The following ZCWPW2 variants were observed in gnomAD, a reference collection of about 807,000 sequenced individuals.
ZCWPW2 encodes the protein zinc finger CW-type PWWP domain protein 2.
ZCWPW2 carries 45 observed loss-of-function variants against 46.6 expected under a neutral mutation model. The ratio of observed to expected loss-of-function variants is 0.96; its 90% CI spans 0.76 to 1.24. The LOEUF (loss-of-function observed/expected upper bound fraction) is 1.24, where lower values mean the gene tolerates loss of function less well. Ranked by LOEUF, ZCWPW2 falls within the 50% of genes most tolerant of loss-of-function variation. The pLI is 0.00. For missense variants in ZCWPW2, 429 were observed against 403.9 expected, an observed-to-expected ratio of 1.06 and a Z score of -0.53; for synonymous variants, 152 against 137.1, an observed-to-expected ratio of 1.11 and a Z score of -0.76.
intron 1 of ZCWPW2, among the ~76,000 whole-genome samples, chr3:28,375,207 T>A (rs1168261012): frequency 6.6e-6 from 1 of 151,992 alleles, no homozygotes. Context: ...TAATACCTTT[T>A]TCCACCCCTT....
At chr3:28,411,344 C>CA (rs926300373) in intron 2 of ZCWPW2, among the ~76,000 whole-genome samples, 4 of 150,948 alleles carry the variant, frequency 2.6e-5, no homozygotes, top group East Asian at 3.9e-4. Flanking sequence ...TTAATATCAA[C>CA]AAAAAAAATC....
intron 9 of ZCWPW2, among the ~76,000 whole-genome samples, chr3:28,523,657 A>G (rs1334968678): frequency 5.9e-5 from 9 of 152,128 alleles, no homozygotes; most frequent in Non-Finnish European, 1.2e-4. Flanking sequence ...GGATTATCTC[A>G]GGCATTTACA....
intron 3 of ZCWPW2, among the ~76,000 whole-genome samples, chr3:28,421,830 TAGTTTG>T (rs1157791821): frequency 3.4e-5 from 4 of 117,706 alleles, no homozygotes; most frequent in African/African-American, 9.7e-5. Flanking sequence ...TGTTGGAGAA[TAGTTTG>T]TGTGTGTGTG....
intron 3 of ZCWPW2, among the ~76,000 whole-genome samples, chr3:28,426,748 A>C (rs1462102640): frequency 1.3e-5 from 2 of 152,224 alleles, no homozygotes; most frequent in African/African-American, 4.8e-5. Context: ...CATGATTCCA[A>C]CTCATCCATT....
In ZCWPW2 at chr3:28,478,858, A is replaced by G. The variant is rs1189408451; in HGVS notation, c.537A>G (p.Leu179=). 1.3e-6 allele frequency: 2 copies of G among 1,586,098 alleles called. No individual in the cohort carries two copies. The highest frequency in any genetic ancestry group is 1.7e-6 in the Non-Finnish European group (2 of 1,169,274). ...KNKKKWYKSA[L]QEACLLYGYS... is the part of the protein sequence containing the mutation. ...AAAAGAAGTGGTATAAAAGTGCACT[A>G]CAAGAAGCATGTCTACTCTATGGAT... The change falls in exon 5 of 10, where the codon CTA becomes CTG. Residue 179 remains leucine (L), a synonymous_variant. Transcript: ENST00000383768.
intron 4 of ZCWPW2, among the ~76,000 whole-genome samples, chr3:28,471,406 A>G (rs1023051381): frequency 7.9e-5 from 12 of 152,318 alleles, no homozygotes; most frequent in African/African-American, 2.9e-4. Context: ...ATGATTCATT[A>G]TGATCAAGTG....
In ZCWPW2 at chr3:28,443,065, C is replaced by T. The variant is rs939050395; in HGVS notation, c.492+7796C>T. Among the ~76,000 whole-genome samples the T allele has an allele frequency of 1.6e-4, 24 of 152,196 alleles. No individual in the cohort carries two copies. The East Asian group carries it at 4.3e-3, about 27-fold the overall frequency. ...TGCATTCTGGCACTGGGGAAATGAC[C>T]GTAGGATGAGTCCAGGGACCCACTG... On this transcript the variant is annotated intron_variant, in intron 4 of 9. Coordinates refer to ENST00000383768, the MANE Select transcript of ZCWPW2 (RefSeq NM_001040432.4).
rs964578068 is a variant in ZCWPW2, at chr3:28,524,580, T to C, written c.963T>C (p.Tyr321=). The C allele has an allele frequency of 1.9e-6, 3 of 1,609,360 alleles. No homozygotes were observed. The highest frequency in any genetic ancestry group is 1.7e-6 in the Non-Finnish European group (2 of 1,177,900). ...CAGGCAGTCTGTTTGAAAACCACTA[T>C]GAAGAGGACTATCTTGTAATTGATG... ...APAGSLFENH[Y]EEDYLVIDGI... The change falls in exon 10 of 10, where the codon TAT becomes TAC. Residue 321 remains tyrosine, a synonymous_variant. Coordinates refer to ENST00000383768, the MANE Select transcript of ZCWPW2 (RefSeq NM_001040432.4).
chr3:28,407,814 A>G (rs1282312809), intron 2 of ZCWPW2, among the ~76,000 whole-genome samples: 1 of 152,216 alleles, frequency 6.6e-6, no homozygotes, highest in African/African-American at 2.4e-5. Context: ...ATAGCTTTGC[A>G]TTTGTCATTG....
chr3:28,427,245 A>G (rs1457446314), intron 3 of ZCWPW2, among the ~76,000 whole-genome samples: 1 of 152,236 alleles, frequency 6.6e-6, no homozygotes, highest in African/African-American at 2.4e-5. Context: ...GAAGTGCACA[A>G]TGCATTATCA....
At chr3:28,476,555 G>T (rs186771093) in intron 4 of ZCWPW2, among the ~76,000 whole-genome samples, 135 of 152,234 alleles carry the variant, frequency 8.9e-4, no homozygotes, top group African/African-American at 3.2e-3. Context: ...TAGGGCAGCA[G>T]TCTCCAACCT....
At chr3:28,352,314 G>T (rs187465781) in intron 1 of ZCWPW2, among the ~76,000 whole-genome samples, 25 of 152,136 alleles carry the variant, frequency 1.6e-4, no homozygotes, top group Admixed American at 7.2e-4. Flanking sequence ...AGGCTTTCCC[G>T]GGGGGGTTAT....
chr3:28,398,138 C>T (rs534122442), intron 2 of ZCWPW2: 72 of 152,364 alleles, frequency 4.7e-4, no homozygotes, highest in African/African-American at 1.7e-3. Flanking sequence ...AGTCCAAGAT[C>T]AAGGTGACAG....
At chr3:28,424,274 C>T (rs1696916343) in intron 3 of ZCWPW2, among the ~76,000 whole-genome samples, 1 of 146,298 alleles carries the variant, frequency 6.8e-6, no homozygotes, top group Non-Finnish European at 1.5e-5. Context: ...CACACAGAGC[C>T]TTTAAATCAA....
chr3:28,369,746 C>T (rs1221162716), intron 1 of ZCWPW2, among the ~76,000 whole-genome samples: 1 of 152,218 alleles, frequency 6.6e-6, no homozygotes, highest in Non-Finnish European at 1.5e-5. Context: ...CTATGCCCTG[C>T]CCGCAGAGGT....
chr3:28,452,073 C>T (rs948422264), intron 4 of ZCWPW2, among the ~76,000 whole-genome samples: 2 of 152,140 alleles, frequency 1.3e-5, no homozygotes, highest in African/African-American at 2.4e-5. Context: ...ATAACTGTGA[C>T]ATATTTGTGA....
At chr3:28,454,715 TA>T (rs904968195) in intron 4 of ZCWPW2, among the ~76,000 whole-genome samples, 6 of 152,182 alleles carry the variant, frequency 3.9e-5, no homozygotes, top group African/African-American at 1.2e-4. Context: ...AGCTCCCACT[TA>T]AAAGTAAGAA....
chr3:28,501,670 T>C (rs1040020715), intron 6 of ZCWPW2, among the ~76,000 whole-genome samples: 2 of 152,208 alleles, frequency 1.3e-5, no homozygotes, highest in Non-Finnish European at 2.9e-5. Context: ...AGAATTTTCC[T>C]TACCCAGAAA....
At chr3:28,391,237 T>C (rs1695474829) in intron 2 of ZCWPW2, among the ~76,000 whole-genome samples, 1 of 152,184 alleles carries the variant, frequency 6.6e-6, no homozygotes, top group African/African-American at 2.4e-5. Context: ...CTGATGAAAT[T>C]TGTAGTCTGA....
Sources: allele counts gnomAD v4.1 joint callset (sites outside exome capture counted in the v4.1 genomes callset), GRCh38; gene constraint gnomAD v4.1.1; transcripts MANE v1.5; gene names NCBI Gene and HGNC (gene_info 2026-07-23, HGNC 2026-07-21).